Variants in INSC observed in about 807,000 individuals in gnomAD.
INSC encodes the protein protein inscuteable homolog.
INSC carries 67 observed loss-of-function variants against 58.6 expected under a neutral mutation model. The observed-to-expected ratio is 1.14, with a 90% CI of 0.94 to 1.40. INSC has a LOEUF of 1.40. Among genes scored for constraint, INSC ranks in the 40% most tolerant of loss-of-function variants. The pLI, the probability that INSC is intolerant of heterozygous loss-of-function variation, is 0.00. For synonymous variants in INSC, 262 were observed against 276.1 expected, an observed-to-expected ratio of 0.95 and a Z score of 0.51; for missense variants, 714 against 692.0, an observed-to-expected ratio of 1.03 and a Z score of -0.36.
chr11:15,190,093 C>T (rs1478669085), intron 5 of INSC, among the ~76,000 whole-genome samples: 1 of 152,172 alleles, frequency 6.6e-6, no homozygotes, highest in East Asian at 1.9e-4. Flanking sequence ...ACCTAGTTTC[C>T]CACCCTTTGA....
Position 15,235,646 on chromosome 11 carries a change from C to T in INSC, c.1215C>T (p.Ala405=), listed in dbSNP as rs760253455. Residue 405 remains alanine (A), a synonymous_variant, in exon 10 of 13, where the codon GCC becomes GCT. Transcript: ENST00000379556. ...ACATGTCTGTCCTAGAACAGTGTGCCTCTGACATCATTCAGGAAAATGGTA... is the reference window on the plus strand; with the variant it reads ...ACATGTCTGTCCTAGAACAGTGTGCTTCTGACATCATTCAGGAAAATGGTA... ...LANMSVLEQC[A]SDIIQENGVQ... 20 of 1,613,824 alleles carry T rather than the reference C, an allele frequency of 1.2e-5. No individual in the cohort carries two copies. The South Asian group carries it at 2.2e-4, about 18-fold the overall frequency.
chr11:15,202,593 G>A (rs1209095872), intron 7 of INSC, among the ~76,000 whole-genome samples: 1 of 152,154 alleles, frequency 6.6e-6, no homozygotes, highest in Admixed American at 6.5e-5. Context: ...TATAAAACTT[G>A]TCCTTCCTTG....
chr11:15,240,429 T>C lies in INSC; in HGVS notation c.1394-18T>C. 3 of 1,611,274 alleles carry C rather than the reference T, an allele frequency of 1.9e-6. No individual in the cohort carries two copies. The highest frequency in any genetic ancestry group is 2.5e-6 in the Non-Finnish European group (3 of 1,177,876). The stretch of plus-strand genomic sequence containing the variant: ...GGGCCCTGTCCTGGGCCTGAGGCTC[T>C]CCCTGTGTCTCCTACAGGCATGTCC... On this transcript the variant is annotated intron_variant, in intron 11 of 12. Transcript: ENST00000379556.
intron 7 of INSC, among the ~76,000 whole-genome samples, chr11:15,214,564 G>A (rs904836622): frequency 1.3e-5 from 2 of 152,300 alleles, no homozygotes; most frequent in Admixed American, 1.3e-4. Context: ...CACCACTGGT[G>A]CTTTTCCAAT....
chr11:15,212,055 C>T (rs1394257318), intron 7 of INSC, among the ~76,000 whole-genome samples: 2 of 152,014 alleles, frequency 1.3e-5, no homozygotes, highest in African/African-American at 2.4e-5. Context: ...CACAAAAATA[C>T]CTGCTGAAAT....
At chr11:15,159,295 A>G (rs1245862319) in intron 2 of INSC, among the ~76,000 whole-genome samples, 1 of 151,660 alleles carries the variant, frequency 6.6e-6, no homozygotes, top group Non-Finnish European at 1.5e-5. Flanking sequence ...GCTCTTGGAA[A>G]CCCTCTAGTG....
chr11:15,194,417 TG>T (rs900978264), intron 6 of INSC, among the ~76,000 whole-genome samples: 6 of 152,162 alleles, frequency 3.9e-5, no homozygotes, highest in Non-Finnish European at 8.8e-5. Context: ...CAAGATTCCA[TG>T]GGGTCTTTGG....
chr11:15,267,419 C>A, the INSC span, among the ~76,000 whole-genome samples: 1 of 152,066 alleles, frequency 6.6e-6, no homozygotes, highest in African/African-American at 2.4e-5. Flanking sequence ...ATACTCTATT[C>A]ATTTCCCCCC....
intron 7 of INSC, among the ~76,000 whole-genome samples, chr11:15,205,963 A>G (rs1025932279): frequency 2.0e-5 from 3 of 152,264 alleles, no homozygotes; most frequent in Non-Finnish European, 4.4e-5. Context: ...AGGCCTCTCC[A>G]CAAGTGTCTG....
At chr11:15,232,368 G>T (rs1253733595) in intron 9 of INSC, among the ~76,000 whole-genome samples, 1 of 152,104 alleles carries the variant, frequency 6.6e-6, no homozygotes, top group East Asian at 1.9e-4. Context: ...TTTAACAAAG[G>T]GTGCTTGATA....
chr11:15,256,491 A>AGTTTT, the INSC span, among the ~76,000 whole-genome samples: 7 of 141,974 alleles, frequency 4.9e-5, 1 homozygote, highest in African/African-American at 5.2e-5. Context: ...ATTTCATTTC[A>AGTTTT]TTTTTTTTTT....
downstream of INSC, among the ~76,000 whole-genome samples, chr11:15,248,558 G>A (rs1471802029): frequency 1.3e-5 from 2 of 152,136 alleles, no homozygotes; most frequent in Non-Finnish European, 2.9e-5. Context: ...CGGTGTTGAG[G>A]GGAAGCAAAT....
chr11:15,256,872 G>A, the INSC span, among the ~76,000 whole-genome samples: 1 of 152,148 alleles, frequency 6.6e-6, no homozygotes, highest in African/African-American at 2.4e-5. Flanking sequence ...CAAGAGTAAA[G>A]GTGGCGGGGT....
In INSC at chr11:15,239,030, T is replaced by C; in HGVS notation, c.1349T>C (p.Leu450Pro). The stretch of plus-strand genomic sequence containing the variant: ...AAAGCTGCAGTGACCCTGGCTCGTC[T>C]CAGCCGAGACCCAGATGTGGCACGG... ...QQKAAVTLAR[L>P]SRDPDVAREA... Residue 450 changes from leucine to proline, a missense_variant, in exon 11 of 13, where the codon CTC becomes CCC. Leu to Pro is a moderately conservative substitution (Grantham distance 98). Coordinates refer to ENST00000379556, the MANE Select transcript of INSC (RefSeq NM_001042536.3). The C allele has an allele frequency of 6.2e-7, 1 of 1,614,132 alleles. No individual in the cohort carries two copies. Among genetic ancestry groups the C allele is most frequent in the Non-Finnish European group, 8.5e-7 (1 of 1,179,996 alleles).
At position 15,169,545 on chromosome 11, in the gene INSC, G is replaced by C. The variant is rs78831885; in HGVS notation, c.57-6196G>C. On this transcript the variant is annotated intron_variant, in intron 2 of 12. Transcript: ENST00000379556. Reference sequence around the variant, plus strand: ...TGTTGTTGTTGTTGTTTGTTTGTTTGTTTGTTTGTTTTTTTAGATGGAGTC... The same window carrying C: ...TGTTGTTGTTGTTGTTTGTTTGTTTCTTTGTTTGTTTTTTTAGATGGAGTC... Among the ~76,000 whole-genome samples the C allele has an allele frequency of 6.6e-3, 998 of 151,406 alleles. 12 individuals carry two copies. Among genetic ancestry groups the C allele is most frequent in the African/African-American group, 0.023 (950 of 41,198 alleles).
At chr11:15,179,886 C>T (rs1309996879) in intron 5 of INSC, among the ~76,000 whole-genome samples, 2 of 152,188 alleles carry the variant, frequency 1.3e-5, no homozygotes, top group East Asian at 3.8e-4. Flanking sequence ...AACTTCTGAG[C>T]AGGGGTACAG....
intron 1 of INSC, among the ~76,000 whole-genome samples, chr11:15,127,264 G>T (rs1232159014): frequency 1.3e-5 from 2 of 152,200 alleles, no homozygotes; most frequent in African/African-American, 4.8e-5. Context: ...TTGTTTTCTT[G>T]CTGTCCTAAG....
intron 1 of INSC, among the ~76,000 whole-genome samples, chr11:15,116,847 T>TTCTTTCTCTC (rs1554900100): frequency 5.2e-5 from 3 of 57,816 alleles, no homozygotes; most frequent in Non-Finnish European, 9.3e-5. Flanking sequence ...CTTTCTTTCT[T>TTCTTTCTCTC]TCTCTCTCTC....
chr11:15,248,060 A>G (rs1452622037), downstream of INSC, among the ~76,000 whole-genome samples: 1 of 152,160 alleles, frequency 6.6e-6, no homozygotes, highest in Non-Finnish European at 1.5e-5. Flanking sequence ...CAACTAGTTG[A>G]TACTGCAATT....
Sources: gnomAD v4.1 joint callset for allele counts (sites outside exome capture counted in the v4.1 genomes callset) on GRCh38, gnomAD v4.1.1 for gene constraint, MANE v1.5 for transcripts, NCBI Gene and HGNC (gene_info 2026-07-23, HGNC 2026-07-21) for gene names.